XRCC5: variants seen among roughly 807,000 people sequenced by gnomAD.
XRCC5 encodes DNA repair protein Ku80.
XRCC5 carries 12 observed loss-of-function variants against 95.7 expected under a neutral mutation model. The observed-to-expected ratio is 0.13, with a 90% CI of 0.08 to 0.20. The LOEUF is 0.20. XRCC5 is among the 10% of genes least tolerant of loss of function. The pLI is 1.00. For missense variants in XRCC5, 595 were observed against 873.9 expected, an observed-to-expected ratio of 0.68 and a Z score of 4.02; for synonymous variants, 281 against 290.3, an observed-to-expected ratio of 0.97 and a Z score of 0.33.
intron 13 of XRCC5, among the ~76,000 whole-genome samples, chr2:216,143,598 C>G (rs1318722328): frequency 6.6e-6 from 1 of 151,620 alleles, no homozygotes; most frequent in Non-Finnish European, 1.5e-5. Context: ...TTTAATGTGG[C>G]TTATCTATAT....
intron 15 of XRCC5, among the ~76,000 whole-genome samples, 169 bp from the exon 16 acceptor site, chr2:216,161,810 C>T (rs774680685): frequency 2.3e-4 from 35 of 152,292 alleles, no homozygotes; most frequent in African/African-American, 7.9e-4. Flanking sequence ...TGAAATCTGC[C>T]GGCCTTTCAC....
At chr2:216,126,154 T>C (rs908969249) in intron 7 of XRCC5, 123 bp downstream of exon 7, 16 of 743,590 alleles carry the variant, frequency 2.2e-5, no homozygotes, top group Non-Finnish European at 3.5e-5. Context: ...CTAGTTGTTC[T>C]CCCTGCTCAT....
chr2:216,194,846 G>C (rs1396243102), intron 18 of XRCC5, 73 bp from the exon 19 acceptor site: 1 of 1,355,992 alleles, frequency 7.4e-7, no homozygotes, highest in African/African-American at 1.4e-5. Flanking sequence ...GTGGGAGGAG[G>C]TGTGATGGAA....
chr2:216,136,929 G>A (rs1018473446), intron 10 of XRCC5, among the ~76,000 whole-genome samples, 159 bp from the exon 11 acceptor site: 1 of 152,202 alleles, frequency 6.6e-6, no homozygotes, highest in African/African-American at 2.4e-5. Flanking sequence ...TACAGTAAAT[G>A]TAATCAAAAG....
In XRCC5 at chr2:216,119,061, G is replaced by A. The variant is rs746253273; in HGVS notation, c.387G>A (p.Lys129=). 3.1e-6 allele frequency: 5 copies of A among 1,613,884 alleles called. No individual in the cohort carries two copies. The Admixed American group carries it at 8.3e-5, about 27-fold the overall frequency. Residue 129 remains lysine, a synonymous_variant, in exon 5 of 21, where the codon AAG becomes AAA. Transcript: ENST00000392132. The stretch of plus-strand genomic sequence containing the variant: ...CTTTTAGAGGAAAGAAGTTTGAGAA[G>A]AGGCATATTGAAATATTCACTGACC... ...QHETIGKKFE[K]RHIEIFTDLS... is the part of the protein sequence containing the mutation.
chr2:216,112,487 T>C lies in XRCC5; in HGVS notation c.22-529T>C, dbSNP rs41296924. 2.0e-3 allele frequency among the ~76,000 whole-genome samples: 299 copies of C among 152,362 alleles called. 1 individual carries two copies. Among genetic ancestry groups the C allele is most frequent in the African/African-American group, 6.8e-3 (284 of 41,586 alleles). On this transcript the variant is annotated intron_variant, in intron 1 of 20. Coordinates refer to ENST00000392132, the MANE Select transcript of XRCC5 (RefSeq NM_021141.4). ...TAGAATAGATTTGGTGTCTTTATTT[T>C]AGATCATCAGTTTACAAACTGACTC...
At chr2:216,162,967 G>C (rs1688980952) in intron 16 of XRCC5, among the ~76,000 whole-genome samples, 1 of 152,144 alleles carries the variant, frequency 6.6e-6, no homozygotes, top group Non-Finnish European at 1.5e-5. Flanking sequence ...TTTAAATGGT[G>C]GCAACTGGCA....
At chr2:216,203,024 T>G (rs1689868962) in intron 19 of XRCC5, among the ~76,000 whole-genome samples, 1 of 152,180 alleles carries the variant, frequency 6.6e-6, no homozygotes. Context: ...GTTTCAGAGG[T>G]CATGATTGTG....
intron 6 of XRCC5, among the ~76,000 whole-genome samples, chr2:216,124,185 C>G (rs926040778): frequency 2.6e-5 from 4 of 152,182 alleles, no homozygotes; most frequent in African/African-American, 9.7e-5. Flanking sequence ...CCATATAGAT[C>G]TTAGGAAGAG....
chr2:216,174,762 A>G (rs182674415), intron 16 of XRCC5: 1 of 184,626 alleles, frequency 5.4e-6, no homozygotes, highest in East Asian at 1.7e-4. Context: ...ACCATGGATC[A>G]CCATTCCTTC....
intron 16 of XRCC5, among the ~76,000 whole-genome samples, chr2:216,183,613 T>C (rs553485467): frequency 1.3e-5 from 2 of 152,320 alleles, no homozygotes; most frequent in Non-Finnish European, 2.9e-5. Flanking sequence ...ATGCATAATA[T>C]TATGGCTGTG....
chr2:216,168,747 T>G (rs1689097734), intron 16 of XRCC5, among the ~76,000 whole-genome samples: 1 of 152,208 alleles, frequency 6.6e-6, no homozygotes, highest in South Asian at 2.1e-4. Context: ...CTTTATTTCT[T>G]ATAAAGGGTT....
intron 13 of XRCC5, among the ~76,000 whole-genome samples, chr2:216,142,736 A>T (rs1253928130): frequency 1.3e-5 from 2 of 152,230 alleles, no homozygotes; most frequent in Non-Finnish European, 2.9e-5. Context: ...TTCATGAAAC[A>T]TCTGTAACTA....
chr2:216,185,368 G>A (rs1476193751), intron 16 of XRCC5, among the ~76,000 whole-genome samples: 1 of 152,144 alleles, frequency 6.6e-6, no homozygotes, highest in Non-Finnish European at 1.5e-5. Context: ...CATAAAGAAA[G>A]CCCGCTTTTG....
At chr2:216,136,829 G>A (rs1312758241) in intron 10 of XRCC5, among the ~76,000 whole-genome samples, 1 of 152,174 alleles carries the variant, frequency 6.6e-6, no homozygotes, top group Non-Finnish European at 1.5e-5. Flanking sequence ...GCTGACATGA[G>A]TTTATTTTTA....
chr2:216,109,526 G>A (rs778095917), intron 1 of XRCC5, 69 bp downstream of exon 1: 2 of 1,601,608 alleles, frequency 1.2e-6, no homozygotes, highest in Admixed American at 1.7e-5. Flanking sequence ...TCGGAAGCAG[G>A]AATCGTGGGA....
At chr2:216,163,645 A>C (rs570184938) in intron 16 of XRCC5, among the ~76,000 whole-genome samples, 1 of 152,276 alleles carries the variant, frequency 6.6e-6, no homozygotes, top group Admixed American at 6.5e-5. Flanking sequence ...TGCCTGCAGT[A>C]GGTCTAATGC....
At chr2:216,138,965 A>G (rs1164205107) in intron 12 of XRCC5, among the ~76,000 whole-genome samples, 1 of 152,158 alleles carries the variant, frequency 6.6e-6, no homozygotes, top group Admixed American at 6.5e-5. Flanking sequence ...GTAGTGTGCT[A>G]TAGAAAGGCC....
intron 18 of XRCC5, among the ~76,000 whole-genome samples, chr2:216,194,536 C>A (rs1025175221): frequency 1.3e-5 from 2 of 152,210 alleles, no homozygotes; most frequent in African/African-American, 4.8e-5. Flanking sequence ...TCATGGAACA[C>A]GTGGCATTTG....
Sources: gnomAD v4.1 joint callset for allele counts (sites outside exome capture counted in the v4.1 genomes callset) on GRCh38, gnomAD v4.1.1 for gene constraint, MANE v1.5 for transcripts, NCBI Gene and HGNC (gene_info 2026-07-23, HGNC 2026-07-21) for gene names.